Variants in KCND3 observed in about 807,000 individuals in gnomAD.
KCND3 encodes the protein potassium voltage-gated channel subfamily D member 3, also known as A-type voltage-gated potassium channel KCND3.
In KCND3, 9 loss-of-function variants were observed where a neutral mutation model predicts 51.1. The observed-to-expected ratio is 0.18, with a 90% CI of 0.11 to 0.31. KCND3 has a LOEUF of 0.31. KCND3 is among the 10% of genes least tolerant of loss of function. The pLI is 1.00. For synonymous variants in KCND3, 349 were observed against 368.0 expected (o/e 0.95, Z 0.59); for missense variants, 526 against 903.8 (o/e 0.58, Z 5.36).
intron 2 of KCND3, among the ~76,000 whole-genome samples, chr1:111,828,504 AG>A (rs1189053808): frequency 3.0e-5 from 3 of 100,108 alleles, no homozygotes; most frequent in African/African-American, 8.2e-5. Flanking sequence ...CACAAACAAC[AG>A]GTGTTATCAC....
chr1:111,936,703 G>A (rs1252780759), intron 2 of KCND3, among the ~76,000 whole-genome samples: 30 of 152,190 alleles, frequency 2.0e-4, no homozygotes, highest in Admixed American at 2.0e-3. Flanking sequence ...TAACTACTCA[G>A]GGAAACGTCC....
intron 2 of KCND3, among the ~76,000 whole-genome samples, chr1:111,933,808 T>C (rs1672087749): frequency 6.6e-6 from 1 of 152,206 alleles, no homozygotes; most frequent in South Asian, 2.1e-4. Context: ...TGTCTGTACT[T>C]AATCAATTTG....
At chr1:111,989,386 C>T (rs1675506972) in intron 1 of KCND3, among the ~76,000 whole-genome samples, 119 bp downstream of exon 1, 2 of 152,178 alleles carry the variant, frequency 1.3e-5, no homozygotes, top group East Asian at 3.9e-4. Flanking sequence ...GGCGCCCCAG[C>T]GCCCACCCAC....
chr1:111,956,950 T>C (rs1159762286), intron 2 of KCND3, among the ~76,000 whole-genome samples: 4 of 152,198 alleles, frequency 2.6e-5, no homozygotes, highest in Non-Finnish European at 5.9e-5. Flanking sequence ...TCCGTGCCTC[T>C]TTCTCTTCCT....
At chr1:111,863,709 T>C (rs1668433050) in intron 2 of KCND3, among the ~76,000 whole-genome samples, 1 of 152,110 alleles carries the variant, frequency 6.6e-6, no homozygotes, top group Non-Finnish European at 1.5e-5. Context: ...CTGCATACAA[T>C]GGGGAGGCAC....
chr1:111,803,545 C>T (rs1011148308), intron 2 of KCND3, among the ~76,000 whole-genome samples: 1 of 152,150 alleles, frequency 6.6e-6, no homozygotes, highest in Non-Finnish European at 1.5e-5. Context: ...CTCCTCACCC[C>T]GTCAGAGAAA....
chr1:111,937,158 C>T (rs1672261714), intron 2 of KCND3, among the ~76,000 whole-genome samples: 1 of 152,022 alleles, frequency 6.6e-6, no homozygotes, highest in Non-Finnish European at 1.5e-5. Flanking sequence ...AGGCAATGGG[C>T]CATTTCCTGA....
intron 2 of KCND3, among the ~76,000 whole-genome samples, chr1:111,902,464 T>A (rs1670431752): frequency 6.6e-6 from 1 of 152,194 alleles, no homozygotes; most frequent in Non-Finnish European, 1.5e-5. Context: ...TCACAGGTCC[T>A]GGGTAGGACA....
At chr1:111,930,835 T>A (rs1295601587) in intron 2 of KCND3, among the ~76,000 whole-genome samples, 1 of 152,190 alleles carries the variant, frequency 6.6e-6, no homozygotes, top group South Asian at 2.1e-4. Flanking sequence ...CGTGACATGC[T>A]GGAAATGCCA....
chr1:111,882,631 G>A lies in KCND3; in HGVS notation c.1107-95525C>T, dbSNP rs1038295682. Reference sequence around the variant, plus strand: ...GCTTCTGAGGTGTGGCCGGCTCAGTGCAGGGGGCGAGGGTGTGGGGGATGG... The same window carrying A: ...GCTTCTGAGGTGTGGCCGGCTCAGTACAGGGGGCGAGGGTGTGGGGGATGG... On this transcript the variant is annotated intron_variant, in intron 2 of 7. Transcript: ENST00000302127. Among the ~76,000 whole-genome samples the A allele has an allele frequency of 3.9e-5, 6 of 152,326 alleles. No individual in the cohort carries two copies. The East Asian group carries it at 1.2e-3, about 29-fold the overall frequency.
At chr1:111,911,316 C>T (rs918479658) in intron 2 of KCND3, among the ~76,000 whole-genome samples, 3 of 152,218 alleles carry the variant, frequency 2.0e-5, no homozygotes, top group Non-Finnish European at 4.4e-5. Flanking sequence ...TAGAAGGCAG[C>T]AGCTGCTGCT....
At chr1:111,871,546 T>C (rs1668828049) in intron 2 of KCND3, among the ~76,000 whole-genome samples, 1 of 152,148 alleles carries the variant, frequency 6.6e-6, no homozygotes, top group African/African-American at 2.4e-5. Flanking sequence ...ATAAACTCAC[T>C]GGACACATTG....
chr1:111,821,683 C>T (rs763017004), intron 2 of KCND3, among the ~76,000 whole-genome samples: 1 of 152,166 alleles, frequency 6.6e-6, no homozygotes, highest in Non-Finnish European at 1.5e-5. Flanking sequence ...ACTGGAGGCC[C>T]AGTTAGTGTC....
At chr1:111,794,918 G>T (rs1413668802) in intron 2 of KCND3, among the ~76,000 whole-genome samples, 1 of 152,166 alleles carries the variant, frequency 6.6e-6, no homozygotes, top group Non-Finnish European at 1.5e-5. Context: ...TGCAGAACTG[G>T]GGCACAGACC....
At chr1:111,967,666 C>A (rs552371790) in intron 2 of KCND3, among the ~76,000 whole-genome samples, 3 of 152,242 alleles carry the variant, frequency 2.0e-5, no homozygotes. Flanking sequence ...GACCCCAGTG[C>A]GCTACCTTCT....
intron 2 of KCND3, among the ~76,000 whole-genome samples, chr1:111,818,414 G>A (rs1237633691): frequency 2.6e-5 from 4 of 152,372 alleles, no homozygotes; most frequent in Admixed American, 2.0e-4. Flanking sequence ...GATGGAATGA[G>A]CTGGAGAGTG....
intron 2 of KCND3, among the ~76,000 whole-genome samples, chr1:111,900,740 T>C (rs1670344668): frequency 6.6e-6 from 1 of 151,792 alleles, no homozygotes; most frequent in Non-Finnish European, 1.5e-5. Context: ...GCGGATCACC[T>C]GAGGTCAGGA....
At chr1:111,836,859 G>C (rs1000550516) in intron 2 of KCND3, among the ~76,000 whole-genome samples, 1 of 152,146 alleles carries the variant, frequency 6.6e-6, no homozygotes, top group Admixed American at 6.5e-5. Flanking sequence ...ATGAGTTCAG[G>C]ATTCCAAACT....
rs372108165 is a variant in KCND3, at chr1:111,780,682, G to A, written c.1371+8C>T. The stretch of plus-strand genomic sequence containing the variant: ...ATGTTCCCTAGCCCAGGTCCTCTAG[G>A]CACCTACCGTCAGCTCCAGCGCCTC... On this transcript the variant is annotated splice_region_variant and intron_variant, in intron 4 of 7. Transcript: ENST00000302127. The surrounding 1 kb of genome is among the most constrained non-coding windows in gnomAD (Gnocchi z 4.2). 1.2e-6 allele frequency: 2 copies of A among 1,603,914 alleles called. No individual in the cohort carries two copies. Among genetic ancestry groups the A allele is most frequent in the Admixed American group, 1.7e-5 (1 of 58,688 alleles).
Sources: allele counts gnomAD v4.1 joint callset (sites outside exome capture counted in the v4.1 genomes callset), GRCh38; gene constraint gnomAD v4.1.1; non-coding constraint Gnocchi (gnomAD v3.1); transcripts MANE v1.5; gene names NCBI Gene and HGNC (gene_info 2026-07-23, HGNC 2026-07-21).